Variants in ROR1 observed in about 807,000 individuals in gnomAD.
ROR1 encodes inactive tyrosine-protein kinase transmembrane receptor ROR1.
Under a neutral mutation model 78.8 loss-of-function variants are expected in ROR1, and 19 were observed. That is an observed-to-expected ratio of 0.24 (90% CI 0.17 to 0.35). The LOEUF is 0.35. ROR1 is among the 10% of genes least tolerant of loss of function. ROR1 has a pLI of 1.00. For synonymous variants in ROR1, 386 were observed against 433.6 expected (o/e 0.89, Z 1.36); for missense variants, 917 against 1,177.8 (o/e 0.78, Z 3.24).
chr1:64,177,258 G>C (rs1650406854), intron 8 of ROR1, among the ~76,000 whole-genome samples, 170 bp from the exon 9 acceptor site: 2 of 152,296 alleles, frequency 1.3e-5, no homozygotes, highest in South Asian at 4.1e-4. Context: ...AGTTGTCTAT[G>C]GCACCTCCCC....
intron 2 of ROR1, among the ~76,000 whole-genome samples, chr1:64,017,607 C>T (rs1442889144): frequency 6.6e-6 from 1 of 152,144 alleles, no homozygotes; most frequent in Admixed American, 6.5e-5. Context: ...AGGGGTCTTT[C>T]CAGCCGGTTA....
intron 1 of ROR1, among the ~76,000 whole-genome samples, chr1:63,808,688 C>T (rs1274359579): frequency 6.6e-6 from 1 of 152,142 alleles, no homozygotes; most frequent in Non-Finnish European, 1.5e-5. Flanking sequence ...TCATGTGGGT[C>T]TCTCTGGCTG....
intron 1 of ROR1, among the ~76,000 whole-genome samples, chr1:63,944,503 A>T (rs978635398): frequency 1.7e-4 from 26 of 152,188 alleles, no homozygotes; most frequent in African/African-American, 5.8e-4. Context: ...AGACAGGCAA[A>T]CTAGTATCAA....
chr1:64,113,289 C>T (rs984094323), intron 4 of ROR1, among the ~76,000 whole-genome samples: 10 of 152,144 alleles, frequency 6.6e-5, no homozygotes, highest in Non-Finnish European at 1.0e-4. Flanking sequence ...AGCCTAACAC[C>T]GTGCATTTCA....
chr1:63,805,698 TC>T (rs1330165805), intron 1 of ROR1, among the ~76,000 whole-genome samples: 3 of 152,178 alleles, frequency 2.0e-5, no homozygotes, highest in Admixed American at 6.5e-5. Context: ...CCACTTGGGA[TC>T]CGAGCATTCC....
rs571208422 is a variant in ROR1, at chr1:63,927,638, G to A, written c.92-81667G>A. On this transcript the variant is annotated intron_variant, in intron 1 of 8. Transcript: ENST00000371079. ...TGTTGATATCCTCATTTTAGACGAG[G>A]AACCTGTGGCTCATGGAAATAAGGT... Among the ~76,000 whole-genome samples the A allele has an allele frequency of 6.6e-5, 10 of 151,858 alleles. No individual in the cohort carries two copies. In the South Asian group the frequency reaches 1.9e-3, roughly 28 times the overall value.
intron 1 of ROR1, among the ~76,000 whole-genome samples, chr1:63,929,203 T>C (rs1460179300): frequency 1.3e-5 from 2 of 152,204 alleles, no homozygotes; most frequent in Admixed American, 1.3e-4. Flanking sequence ...CAGTAAGCAC[T>C]GAATATTGGA....
chr1:64,103,445 G>A (rs1647654023), intron 4 of ROR1, among the ~76,000 whole-genome samples: 1 of 152,062 alleles, frequency 6.6e-6, no homozygotes, highest in Non-Finnish European at 1.5e-5. Context: ...TATTTAAAGG[G>A]AAAGTTAATC....
At chr1:64,089,216 AT>A (rs11304354) in intron 4 of ROR1, among the ~76,000 whole-genome samples, 123,526 of 149,920 alleles carry the variant, frequency 0.82, 51,068 homozygotes, top group African/African-American at 0.9. Flanking sequence ...TCGAACCAGT[AT>A]TTTTTTTTTT....
intron 1 of ROR1, among the ~76,000 whole-genome samples, chr1:63,868,618 G>C (rs1324555682): frequency 6.6e-6 from 1 of 152,212 alleles, no homozygotes; most frequent in African/African-American, 2.4e-5. Flanking sequence ...AAAGGGCCTG[G>C]CCTAGAGTTA....
Position 64,119,625 on chromosome 1 carries a change from C to T in ROR1, c.483-17744C>T, listed in dbSNP as rs973872777. On this transcript the variant is annotated intron_variant, in intron 4 of 8. Coordinates refer to ENST00000371079, the MANE Select transcript of ROR1 (RefSeq NM_005012.4). Reference sequence around the variant, plus strand: ...TTGCACTCCAGCCTGGGTGACAGAGCGAGGCTCCGTCTCAAAAAAAAAAAA... The same window carrying T: ...TTGCACTCCAGCCTGGGTGACAGAGTGAGGCTCCGTCTCAAAAAAAAAAAA... 8.8e-5 allele frequency among the ~76,000 whole-genome samples: 11 copies of T among 125,222 alleles called. No individual in the cohort carries two copies. The South Asian group carries it at 1.0e-3, about 11-fold the overall frequency. 82.2% of individuals were successfully genotyped at this position (125,222 alleles called of 152,430 possible).
intron 4 of ROR1, among the ~76,000 whole-genome samples, chr1:64,060,371 G>C (rs1200048782): frequency 6.6e-6 from 1 of 152,176 alleles, no homozygotes; most frequent in Non-Finnish European, 1.5e-5. Context: ...ATTTCCAGCT[G>C]TGAACCCCAA....
At chr1:64,069,163 C>G (rs552358215) in intron 4 of ROR1, among the ~76,000 whole-genome samples, 1 of 150,566 alleles carries the variant, frequency 6.6e-6, no homozygotes, top group Non-Finnish European at 1.5e-5. Context: ...TAACTGGTGG[C>G]GGGGGGAACT....
chr1:64,014,059 G>C lies in ROR1; in HGVS notation c.163+4683G>C, dbSNP rs1162054091. Among the ~76,000 whole-genome samples, 5 of 152,248 alleles carry C rather than the reference G, an allele frequency of 3.3e-5. No individual in the cohort carries two copies. The East Asian group carries it at 9.6e-4, about 29-fold the overall frequency. On this transcript the variant is annotated intron_variant, in intron 2 of 8. Transcript: ENST00000371079. ...AGGATTTGATGGAGGGGAAGTGCCA[G>C]GATTCCCACCAAGGCCTCAGGGCCA...
intron 1 of ROR1, among the ~76,000 whole-genome samples, chr1:63,874,399 T>A (rs769933957): frequency 8.5e-5 from 13 of 152,124 alleles, no homozygotes; most frequent in Admixed American, 1.3e-4. Flanking sequence ...ATGGCATTTT[T>A]TGGCAGTGGT....
chr1:64,060,939 T>C (rs565321423), intron 4 of ROR1, among the ~76,000 whole-genome samples: 6 of 152,330 alleles, frequency 3.9e-5, no homozygotes, highest in Admixed American at 2.0e-4. Context: ...AAAACAGTGC[T>C]TGTGAATATT....
chr1:63,999,041 G>T (rs1425606546), intron 1 of ROR1, among the ~76,000 whole-genome samples: 1 of 152,170 alleles, frequency 6.6e-6, no homozygotes, highest in Non-Finnish European at 1.5e-5. Context: ...CTCCAGCCAC[G>T]TGGAATTGTG....
intron 4 of ROR1, among the ~76,000 whole-genome samples, chr1:64,065,340 A>G (rs1267486349): frequency 6.6e-6 from 1 of 152,166 alleles, no homozygotes; most frequent in Non-Finnish European, 1.5e-5. Context: ...TTGTGGGGAG[A>G]TGATCAGTTG....
At chr1:64,148,096 C>A (rs893989112) in intron 7 of ROR1, among the ~76,000 whole-genome samples, 1 of 152,172 alleles carries the variant, frequency 6.6e-6, no homozygotes, top group African/African-American at 2.4e-5. Flanking sequence ...TAGTAATTAT[C>A]ATTTATTGTA....
Sources: allele counts gnomAD v4.1 joint callset (sites outside exome capture counted in the v4.1 genomes callset), GRCh38; gene constraint gnomAD v4.1.1; transcripts MANE v1.5; gene names NCBI Gene and HGNC (gene_info 2026-07-23, HGNC 2026-07-21).